TCEANC2: variants seen among roughly 807,000 people sequenced by gnomAD.
TCEANC2 encodes the protein transcription elongation factor A N-terminal and central domain-containing protein 2.
TCEANC2 carries 20 observed loss-of-function variants against 22.8 expected under a neutral mutation model. The ratio of observed to expected loss-of-function variants is 0.88; its 90% CI spans 0.62 to 1.28. TCEANC2 has a LOEUF of 1.28. TCEANC2 is among the 50% of genes most tolerant of loss of function. The pLI, the probability that TCEANC2 is intolerant of heterozygous loss-of-function variation, is 0.00. For missense variants in TCEANC2, 251 were observed against 249.7 expected (o/e 1.01, Z -0.03); for synonymous variants, 84 against 95.5 (o/e 0.88, Z 0.70).
chr1:54,066,806 C>T (rs187436190), intron 2 of TCEANC2, among the ~76,000 whole-genome samples: 1 of 152,162 alleles, frequency 6.6e-6, no homozygotes, highest in African/African-American at 2.4e-5. Flanking sequence ...ACACTAATAT[C>T]ATTTTATATT....
rs1392821009 is a variant in TCEANC2 at position 54,101,175 on chromosome 1, A to C, written c.*4702A>C. 1.3e-5 allele frequency: 2 copies of C among 152,154 alleles called. No homozygotes were observed. Among genetic ancestry groups the C allele is most frequent in the Non-Finnish European group, 2.9e-5 (2 of 68,032 alleles). The allele number at this position is 152,154 out of a possible 1,614,324, so 9.4% of individuals were successfully genotyped here. A position where few individuals can be genotyped will look rare whatever the true frequency, so the allele number is the denominator to read the frequency against. ...TTTTGCTGTAGCCTCAGGCCTCAGAACCTTACTCTGAGATTGGTAATGTGT... is the reference window on the plus strand; with the variant it reads ...TTTTGCTGTAGCCTCAGGCCTCAGACCCTTACTCTGAGATTGGTAATGTGT... On this transcript the variant is annotated 3_prime_UTR_variant, in exon 5 of 5. Coordinates refer to ENST00000234827, the MANE Select transcript of TCEANC2 (RefSeq NM_153035.3).
intron 3 of TCEANC2, among the ~76,000 whole-genome samples, chr1:54,080,126 A>AG (rs1216227086): frequency 6.7e-6 from 1 of 149,006 alleles, no homozygotes; most frequent in Non-Finnish European, 1.5e-5. Context: ...GCTCATTACC[A>AG]GGGGTCTCCA....
chr1:54,088,690 A>T lies in TCEANC2; in HGVS notation c.338A>T (p.Lys113Ile). 6.2e-7 allele frequency: 1 copy of T among 1,611,724 alleles called. No homozygotes were observed. Among genetic ancestry groups the T allele is most frequent in the Non-Finnish European group, 8.5e-7 (1 of 1,179,312 alleles). The change falls in exon 4 of 5, where the codon AAA becomes ATA. Residue 113 changes from lysine (K) to isoleucine (I), a missense_variant. Coordinates refer to ENST00000234827, the MANE Select transcript of TCEANC2 (RefSeq NM_153035.3). ...VYTEWKTFTEKHSNRPSIEVR... is the reference protein window; with the variant it reads ...VYTEWKTFTEIHSNRPSIEVR... ...ACTGAGTGGAAAACTTTCACTGAAA[A>T]ACATTCAAATAGACCTTCTATTGAA...
intron 2 of TCEANC2, among the ~76,000 whole-genome samples, chr1:54,057,470 C>T (rs1657774326): frequency 6.7e-6 from 1 of 149,792 alleles, no homozygotes; most frequent in Non-Finnish European, 1.5e-5. Flanking sequence ...GGATTACAGG[C>T]ATGAGCCACT....
downstream of TCEANC2, among the ~76,000 whole-genome samples, chr1:54,107,349 C>T (rs1188927770): frequency 2.6e-5 from 4 of 152,190 alleles, no homozygotes; most frequent in African/African-American, 9.7e-5. Context: ...GCAGGGGGCA[C>T]ATGGCTTCCA....
chr1:54,092,115 C>G (rs1452813184), intron 4 of TCEANC2, among the ~76,000 whole-genome samples: 3 of 152,176 alleles, frequency 2.0e-5, no homozygotes. Context: ...TAGATATGTA[C>G]AAATTCAATC....
intron 3 of TCEANC2, among the ~76,000 whole-genome samples, chr1:54,075,208 C>T (rs1364976013): frequency 6.6e-6 from 1 of 152,198 alleles, no homozygotes. Flanking sequence ...CGCCCACATT[C>T]TCTGGAGAAA....
chr1:54,073,442 G>A (rs1408104901), intron 3 of TCEANC2, among the ~76,000 whole-genome samples: 1 of 152,132 alleles, frequency 6.6e-6, no homozygotes, highest in Non-Finnish European at 1.5e-5. Flanking sequence ...CCTCGCTACT[G>A]GCCCACAGCT....
intron 2 of TCEANC2, among the ~76,000 whole-genome samples, chr1:54,066,839 T>C (rs1657967235): frequency 6.6e-6 from 1 of 152,192 alleles, no homozygotes; most frequent in Non-Finnish European, 1.5e-5. Flanking sequence ...AGAAAAAGAC[T>C]GTCTCAGTTT....
chr1:54,107,367 A>G (rs1375230950), downstream of TCEANC2, among the ~76,000 whole-genome samples: 3 of 152,102 alleles, frequency 2.0e-5, no homozygotes, highest in Non-Finnish European at 4.4e-5. Context: ...CCACAGGACT[A>G]TTGACTGGTG....
intron 3 of TCEANC2, among the ~76,000 whole-genome samples, chr1:54,083,109 T>G (rs116550282): frequency 2.9e-4 from 44 of 152,264 alleles, no homozygotes; most frequent in African/African-American, 1.1e-3. Flanking sequence ...CAGTGGATCC[T>G]AAAATGGTGG....
chr1:54,077,723 C>A (rs1310185664), intron 3 of TCEANC2, among the ~76,000 whole-genome samples: 5 of 152,098 alleles, frequency 3.3e-5, no homozygotes, highest in Non-Finnish European at 5.9e-5. Flanking sequence ...TGGCATACAG[C>A]AGGAGCTCAG....
At chr1:54,064,688 T>C (rs1322022625) in intron 2 of TCEANC2, among the ~76,000 whole-genome samples, 1 of 148,540 alleles carries the variant, frequency 6.7e-6, no homozygotes, top group Non-Finnish European at 1.5e-5. Flanking sequence ...GTTGTGCATT[T>C]TTCCTTTTTT....
At chr1:54,112,254 C>G (rs1370537258) in exon 5 of TCEANC2, 1 of 152,080 alleles carries the variant, frequency 6.6e-6, no homozygotes, top group East Asian at 1.9e-4. Flanking sequence ...TAGTCCCAGC[C>G]ACTAGGGAGG....
intron 3 of TCEANC2, among the ~76,000 whole-genome samples, chr1:54,078,461 C>T (rs1202366427): frequency 1.3e-5 from 2 of 152,138 alleles, no homozygotes; most frequent in Admixed American, 6.5e-5. Context: ...ATTGGACTGT[C>T]TCTATGGGTT....
At chr1:54,068,997 C>T (rs972158095) in intron 3 of TCEANC2, 100 bp downstream of exon 3, 8 of 1,247,500 alleles carry the variant, frequency 6.4e-6, no homozygotes, top group Non-Finnish European at 8.3e-6. Context: ...TCTGCCTTAT[C>T]AATGCTTTCA....
At chr1:54,070,699 G>T (rs1030469018) in intron 3 of TCEANC2, among the ~76,000 whole-genome samples, 2 of 152,150 alleles carry the variant, frequency 1.3e-5, no homozygotes, top group Non-Finnish European at 2.9e-5. Flanking sequence ...ATTTCATTTG[G>T]ATCATTGCCT....
At position 54,106,036 on chromosome 1, in the gene TCEANC2, A is replaced by AAATG. The variant is rs1658749717; in HGVS notation, c.*9572_*9575dup. On this transcript the variant is annotated 3_prime_UTR_variant, in exon 5 of 5. Transcript: ENST00000234827. Reference sequence around the variant, plus strand: ...ACAAAAGCAGCTGTGGACAGTATGTAAATGAATGAATGTGGCTGTGTTCCA... The same window carrying AAATG: ...ACAAAAGCAGCTGTGGACAGTATGTAAATGAATGAATGAATGTGGCTGTGTTCCA... 1 of 152,256 alleles carries AAATG rather than the reference A, an allele frequency of 6.6e-6. No individual in the cohort carries two copies. The highest frequency in any genetic ancestry group is 2.1e-4 in the South Asian group (1 of 4,832). 9.4% of individuals were successfully genotyped at this position (152,256 alleles called of 1,614,324 possible). A position where few individuals can be genotyped will look rare whatever the true frequency, so the allele number is the denominator to read the frequency against.
chr1:54,069,028 T>C, intron 3 of TCEANC2, 131 bp downstream of exon 3: 1 of 1,052,238 alleles, frequency 9.5e-7, no homozygotes, highest in Non-Finnish European at 1.2e-6. Flanking sequence ...AAAGGACTGT[T>C]GTTTAAAAAA....
Sources: allele counts gnomAD v4.1 joint callset (sites outside exome capture counted in the v4.1 genomes callset), GRCh38; gene constraint gnomAD v4.1.1; transcripts MANE v1.5; gene names NCBI Gene and HGNC (gene_info 2026-07-23, HGNC 2026-07-21).